Variants in CPPED1 observed in about 807,000 individuals in gnomAD.
The protein encoded by CPPED1 is calcineurin like phosphoesterase domain containing 1.
Under a neutral mutation model 28.0 loss-of-function variants are expected in CPPED1, and 28 were observed. The observed-to-expected ratio is 1.00, with a 90% CI of 0.74 to 1.37. The LOEUF is 1.37. Among genes scored for constraint, CPPED1 ranks in the 40% most tolerant of loss-of-function variants. The probability of loss-of-function intolerance (pLI) is 0.00; values close to 1 mark genes in which losing one functional copy is unlikely to be tolerated. For synonymous variants in CPPED1, 198 were observed against 180.2 expected (o/e 1.10, Z -0.79); for missense variants, 504 against 416.5 (o/e 1.21, Z -1.83).
intron 3 of CPPED1, among the ~76,000 whole-genome samples, chr16:12,703,235 T>C (rs2080029783): frequency 1.3e-5 from 2 of 152,174 alleles, no homozygotes; most frequent in African/African-American, 2.4e-5. Context: ...TTTATCTCCA[T>C]GGAACAGCTG....
intron 3 of CPPED1, among the ~76,000 whole-genome samples, chr16:12,666,862 A>G (rs548066488): frequency 3.1e-4 from 47 of 152,216 alleles, no homozygotes; most frequent in Non-Finnish European, 3.5e-4. Flanking sequence ...AGCTCACAAC[A>G]TTCCTTAAAA....
In CPPED1 at chr16:12,781,262, G is replaced by A. The variant is rs1596483023; in HGVS notation, c.212C>T (p.Ala71Val). ...WEQEIRLTEQ[A>V]VQAINKLNPK... ...GTTCAGCTTGTTGATGGCCTGGACG[G>A]CTTGCTCAGTTAGACGGATCTCCTG... The change falls in exon 2 of 4, where the codon GCC becomes GTC. Residue 71 changes from alanine (A) to valine (V), a missense_variant. Coordinates refer to ENST00000381774, the MANE Select transcript of CPPED1 (RefSeq NM_018340.3). 3.1e-6 allele frequency: 5 copies of A among 1,614,132 alleles called. No individual in the cohort carries two copies. Among genetic ancestry groups the A allele is most frequent in the Middle Eastern group, 1.6e-4 (1 of 6,062 alleles).
intron 3 of CPPED1, among the ~76,000 whole-genome samples, chr16:12,679,541 A>G (rs2079894599): frequency 1.3e-5 from 2 of 152,238 alleles, no homozygotes; most frequent in South Asian, 4.1e-4. Flanking sequence ...TATGTTAGAT[A>G]TAGATCTAAA....
chr16:12,746,764 A>G (rs1162663025), intron 2 of CPPED1, among the ~76,000 whole-genome samples: 1 of 152,196 alleles, frequency 6.6e-6, no homozygotes, highest in East Asian at 1.9e-4. Context: ...GGAATGGAGG[A>G]ATGGGTGTCT....
chr16:12,737,085 G>C (rs2080230508), intron 2 of CPPED1, among the ~76,000 whole-genome samples: 1 of 152,162 alleles, frequency 6.6e-6, no homozygotes, highest in African/African-American at 2.4e-5. Context: ...AGCTACTCAG[G>C]AGGCTGAGGC....
At chr16:12,799,172 T>C (rs998444135) in intron 1 of CPPED1, among the ~76,000 whole-genome samples, 2 of 152,048 alleles carry the variant, frequency 1.3e-5, no homozygotes, top group African/African-American at 2.4e-5. Flanking sequence ...CTGTGATTTT[T>C]AGGGACTGTT....
rs773179549 is a variant in CPPED1 at position 12,665,072 on chromosome 16, C to A, written c.759G>T (p.Gly253=). The change falls in exon 4 of 4, where the codon GGG becomes GGT. Residue 253 remains glycine (G), a synonymous_variant. Transcript: ENST00000381774. The part of the protein sequence containing the change: ...VFSGHYHRNA[G]GTYQNLDMVV... Reference sequence around the variant, plus strand: ...CCATGTCGAGGTTCTGGTAGGTACCCCCGGCATTCCTGTGGTAGTGGCCTG... The same window carrying A: ...CCATGTCGAGGTTCTGGTAGGTACCACCGGCATTCCTGTGGTAGTGGCCTG... The A allele has an allele frequency of 6.2e-7, 1 of 1,606,340 alleles. No homozygotes were observed. Among genetic ancestry groups the A allele is most frequent in the East Asian group, 2.2e-5 (1 of 44,760 alleles).
At chr16:12,774,734 T>C (rs924317356) in intron 2 of CPPED1, among the ~76,000 whole-genome samples, 1 of 152,158 alleles carries the variant, frequency 6.6e-6, no homozygotes, top group African/African-American at 2.4e-5. Context: ...CATGAATGGA[T>C]GAGTCCATTC....
chr16:12,778,264 T>C (rs1056033212), intron 2 of CPPED1, among the ~76,000 whole-genome samples: 1 of 133,722 alleles, frequency 7.5e-6, no homozygotes, highest in African/African-American at 2.8e-5. Flanking sequence ...TTTTCTTTTT[T>C]CTTTCTTTCT....
chr16:12,750,556 C>A (rs2080320904), intron 2 of CPPED1, among the ~76,000 whole-genome samples: 1 of 152,136 alleles, frequency 6.6e-6, no homozygotes. Flanking sequence ...TGTGGCACCC[C>A]AGAATGATCA....
At chr16:12,666,871 A>G (rs751727541) in intron 3 of CPPED1, among the ~76,000 whole-genome samples, 3 of 152,174 alleles carry the variant, frequency 2.0e-5, no homozygotes, top group Non-Finnish European at 4.4e-5. Context: ...CATTCCTTAA[A>G]ATGTAATGAT....
chr16:12,714,443 A>C (rs959231573), intron 2 of CPPED1, among the ~76,000 whole-genome samples: 3 of 152,162 alleles, frequency 2.0e-5, no homozygotes, highest in African/African-American at 7.2e-5. Flanking sequence ...CACATCCTCA[A>C]CACTTGTTAT....
At chr16:12,760,717 T>C (rs2080404363) in intron 2 of CPPED1, 1 of 152,190 alleles carries the variant, frequency 6.6e-6, no homozygotes, top group South Asian at 2.1e-4. Flanking sequence ...AGTTTTTAAT[T>C]TACTGATAAG....
intron 2 of CPPED1, among the ~76,000 whole-genome samples, chr16:12,742,604 T>C (rs2080262195): frequency 6.8e-6 from 1 of 146,404 alleles, no homozygotes; most frequent in Non-Finnish European, 1.5e-5. Context: ...TATTGGGTGA[T>C]ACAGGATATG....
chr16:12,665,172 G>A, intron 3 of CPPED1, 57 bp from the exon 4 acceptor site: 2 of 1,496,058 alleles, frequency 1.3e-6, no homozygotes, highest in South Asian at 1.3e-5. Flanking sequence ...GGTAACCTAG[G>A]GTCTCCAGCA....
chr16:12,707,971 A>C (rs2080060330), intron 2 of CPPED1, among the ~76,000 whole-genome samples: 1 of 152,054 alleles, frequency 6.6e-6, no homozygotes, highest in South Asian at 2.1e-4. Context: ...ACATGGTGAA[A>C]CCCCAACTCT....
intron 1 of CPPED1, among the ~76,000 whole-genome samples, chr16:12,784,452 G>C (rs575188856): frequency 8.6e-5 from 13 of 151,866 alleles, no homozygotes; most frequent in African/African-American, 2.9e-4. Flanking sequence ...GAAACTTCAG[G>C]GTAATTTGTT....
At chr16:12,719,875 G>A (rs768612752) in intron 2 of CPPED1, among the ~76,000 whole-genome samples, 1 of 152,020 alleles carries the variant, frequency 6.6e-6, no homozygotes, top group Non-Finnish European at 1.5e-5. Context: ...GGCAGAGGTT[G>A]CAGTGAGCTG....
chr16:12,775,718 C>A (rs1202918232), intron 2 of CPPED1, among the ~76,000 whole-genome samples: 1 of 152,192 alleles, frequency 6.6e-6, no homozygotes, highest in Non-Finnish European at 1.5e-5. Context: ...ACCAGCCAGG[C>A]TGCAAAACGA....
Sources: gnomAD v4.1 joint callset for allele counts (sites outside exome capture counted in the v4.1 genomes callset) on GRCh38, gnomAD v4.1.1 for gene constraint, MANE v1.5 for transcripts, NCBI Gene and HGNC (gene_info 2026-07-23, HGNC 2026-07-21) for gene names.